EXOC6B: variants seen among roughly 807,000 people sequenced by gnomAD.
The protein encoded by EXOC6B is SEC15 homolog B.
In EXOC6B, 54 loss-of-function variants were observed where a neutral mutation model predicts 113.5. The observed-to-expected ratio is 0.48, with a 90% confidence interval of 0.38 to 0.60. The LOEUF (loss-of-function observed/expected upper bound fraction) is 0.60. Among genes scored for constraint, EXOC6B ranks in the 20% least tolerant of loss-of-function variants. The pLI, the probability that EXOC6B is intolerant of heterozygous loss-of-function variation, is 0.00. For synonymous variants in EXOC6B, 357 were observed against 339.0 expected (o/e 1.05, Z -0.58); for missense variants, 797 against 977.5 (o/e 0.82, Z 2.46).
chr2:72,550,580 T>C (rs1703153000), intron 8 of EXOC6B, among the ~76,000 whole-genome samples: 1 of 152,136 alleles, frequency 6.6e-6, no homozygotes, highest in Non-Finnish European at 1.5e-5. Flanking sequence ...CTATAGAAAA[T>C]TTATGAATAT....
At chr2:72,612,999 T>A (rs1671171042) in intron 6 of EXOC6B, among the ~76,000 whole-genome samples, 2 of 152,190 alleles carry the variant, frequency 1.3e-5, no homozygotes, top group Non-Finnish European at 2.9e-5. Context: ...AATGTCAGCT[T>A]CAATTTTCTG....
chr2:72,227,504 T>A (rs572840726), intron 20 of EXOC6B, among the ~76,000 whole-genome samples: 3 of 152,138 alleles, frequency 2.0e-5, no homozygotes, highest in Non-Finnish European at 4.4e-5. Flanking sequence ...TATACCATAA[T>A]CACAGAGGGA....
chr2:72,814,475 G>C (rs1272382713), intron 1 of EXOC6B, among the ~76,000 whole-genome samples: 1 of 152,196 alleles, frequency 6.6e-6, no homozygotes, highest in Non-Finnish European at 1.5e-5. Flanking sequence ...ATGACAAGTA[G>C]GTGTTTTAAC....
intron 6 of EXOC6B, among the ~76,000 whole-genome samples, chr2:72,609,814 A>C (rs1670966814): frequency 6.6e-6 from 1 of 152,176 alleles, no homozygotes; most frequent in Non-Finnish European, 1.5e-5. Context: ...ACATAGAAAA[A>C]GCCTCATACT....
intron 15 of EXOC6B, among the ~76,000 whole-genome samples, chr2:72,494,606 A>C (rs1354339455): frequency 6.6e-6 from 1 of 152,124 alleles, no homozygotes; most frequent in African/African-American, 2.4e-5. Flanking sequence ...CATTAAAAAA[A>C]ATTTTCCGAG....
chr2:72,814,709 C>A (rs1471554444), intron 1 of EXOC6B, among the ~76,000 whole-genome samples: 1 of 152,164 alleles, frequency 6.6e-6, no homozygotes, highest in African/African-American at 2.4e-5. Flanking sequence ...AATTATAATT[C>A]TGCCGGGCGT....
At chr2:72,721,364 T>TAAAAAAAAAAAAAA (rs11408155) in intron 5 of EXOC6B, among the ~76,000 whole-genome samples, 79 of 28,348 alleles carry the variant, frequency 2.8e-3, no homozygotes, top group African/African-American at 4.6e-3. Flanking sequence ...GTTGTTTTTG[T>TAAAAAAAAAAAAAA]AAAAAAAAAA....
At chr2:72,217,388 T>G (rs1680603875) in intron 20 of EXOC6B, among the ~76,000 whole-genome samples, 1 of 152,058 alleles carries the variant, frequency 6.6e-6, no homozygotes, top group Non-Finnish European at 1.5e-5. Context: ...ACTTCTAAAC[T>G]CAGTGGCACA....
intron 6 of EXOC6B, among the ~76,000 whole-genome samples, chr2:72,705,501 T>C (rs1430182115): frequency 6.6e-6 from 1 of 152,162 alleles, no homozygotes; most frequent in Admixed American, 6.5e-5. Flanking sequence ...TTACAGATAC[T>C]TTAAAGTTCA....
At position 72,772,325 on chromosome 2, in the gene EXOC6B, G is replaced by T. The variant is rs1015853500; in HGVS notation, c.114-30856C>A. ...TAAGGCTCCAGGCCTGCCCCTGCAG[G>T]ACCAGGCTTAAGGCAAGCTCCAGTG... On this transcript the variant is annotated intron_variant, in intron 1 of 21. Coordinates refer to ENST00000272427, the MANE Select transcript of EXOC6B (RefSeq NM_015189.3). Among the ~76,000 whole-genome samples, 4 of 152,036 alleles carry T rather than the reference G, an allele frequency of 2.6e-5. No homozygotes were observed. In the South Asian group the frequency reaches 8.3e-4, roughly 32 times the overall value.
intron 19 of EXOC6B, among the ~76,000 whole-genome samples, chr2:72,344,714 G>C (rs538694760): frequency 6.6e-6 from 1 of 152,050 alleles, no homozygotes; most frequent in East Asian, 1.9e-4. Context: ...CCTTTCTCTG[G>C]ACCTCTACGG....
chr2:72,573,975 G>A (rs1704670498), intron 7 of EXOC6B, among the ~76,000 whole-genome samples: 1 of 151,934 alleles, frequency 6.6e-6, no homozygotes, highest in Admixed American at 6.6e-5. Context: ...AATTCACCAG[G>A]CATGGTGGCG....
At chr2:72,605,686 T>G (rs1212527560) in intron 6 of EXOC6B, among the ~76,000 whole-genome samples, 1 of 152,228 alleles carries the variant, frequency 6.6e-6, no homozygotes, top group Non-Finnish European at 1.5e-5. Flanking sequence ...TACTAAGGAC[T>G]GCGTCATTAA....
At chr2:72,312,762 C>T (rs967394154) in intron 20 of EXOC6B, among the ~76,000 whole-genome samples, 2 of 117,060 alleles carry the variant, frequency 1.7e-5, no homozygotes, top group South Asian at 2.9e-4. Flanking sequence ...TCTCAAAAAA[C>T]AACAACAACA....
chr2:72,303,525 T>C (rs1248362895), intron 20 of EXOC6B, among the ~76,000 whole-genome samples: 5 of 152,168 alleles, frequency 3.3e-5, no homozygotes, highest in African/African-American at 1.2e-4. Context: ...TGGTTTTTCA[T>C]CTCTATCAGA....
At chr2:72,585,470 A>C (rs1226402298) in intron 6 of EXOC6B, among the ~76,000 whole-genome samples, 2 of 151,864 alleles carry the variant, frequency 1.3e-5, no homozygotes, top group Non-Finnish European at 2.9e-5. Flanking sequence ...GGTGGCACAC[A>C]CCTGTAGTTC....
intron 20 of EXOC6B, among the ~76,000 whole-genome samples, chr2:72,224,863 T>C (rs978547052): frequency 1.3e-5 from 2 of 149,568 alleles, no homozygotes; most frequent in Non-Finnish European, 1.5e-5. Context: ...TATATATGTA[T>C]ACGTAAGTGT....
intron 1 of EXOC6B, among the ~76,000 whole-genome samples, chr2:72,804,604 TA>T (rs1685476960): frequency 6.6e-6 from 1 of 151,996 alleles, no homozygotes. Flanking sequence ...TTTTTTTTTT[TA>T]ATTTTTTGAG....
chr2:72,820,602 A>G (rs1686528067), intron 1 of EXOC6B, among the ~76,000 whole-genome samples: 2 of 152,186 alleles, frequency 1.3e-5, no homozygotes, highest in South Asian at 4.1e-4. Flanking sequence ...AAATGAAGGA[A>G]GTTAGGCTAG....
Sources: allele counts gnomAD v4.1 joint callset (sites outside exome capture counted in the v4.1 genomes callset), GRCh38; gene constraint gnomAD v4.1.1; transcripts MANE v1.5; gene names NCBI Gene and HGNC (gene_info 2026-07-23, HGNC 2026-07-21).